PADI3: variants seen among roughly 807,000 people sequenced by gnomAD.
The protein encoded by PADI3 is peptidyl arginine deiminase 3, also known as protein-arginine deiminase type-3.
In PADI3, 53 loss-of-function variants were observed where a neutral mutation model predicts 71.5. The observed-to-expected ratio is 0.74, with a 90% CI of 0.59 to 0.93. PADI3 has a LOEUF of 0.93. Ranked by LOEUF, PADI3 falls within the 40% of genes least tolerant of loss-of-function variation. PADI3 has a pLI of 0.00. For missense variants in PADI3, 821 were observed against 868.0 expected, an observed-to-expected ratio of 0.95 and a Z score of 0.68; for synonymous variants, 361 against 347.5, an observed-to-expected ratio of 1.04 and a Z score of -0.43.
intron 11 of PADI3, among the ~76,000 whole-genome samples, chr1:17,275,271 TAA>T (rs35532821): frequency 8.3e-4 from 114 of 137,908 alleles, no homozygotes; most frequent in Admixed American, 1.2e-3. Flanking sequence ...CCGTCTCTAC[TAA>T]AAAAAAAAAA....
intron 13 of PADI3, among the ~76,000 whole-genome samples, chr1:17,277,141 C>A (rs1201849408): frequency 2.0e-5 from 3 of 151,226 alleles, no homozygotes; most frequent in Non-Finnish European, 4.4e-5. Context: ...GTGACCAGTG[C>A]AGTCACGGCG....
intron 15 of PADI3, among the ~76,000 whole-genome samples, chr1:17,282,080 C>T (rs988575881): frequency 6.6e-6 from 1 of 152,172 alleles, no homozygotes; most frequent in African/African-American, 2.4e-5. Flanking sequence ...TTTTGCCCTC[C>T]GCTTGCAAAG....
intron 13 of PADI3, chr1:17,277,825 G>A (rs1479930018): frequency 6.5e-6 from 1 of 154,578 alleles, no homozygotes; most frequent in African/African-American, 2.4e-5. Context: ...GGAGGGGTAA[G>A]TGTCTCACCC....
rs2073212517 is a variant in PADI3 at position 17,269,191 on chromosome 1, T to C, written c.653-1042T>C. Among the ~76,000 whole-genome samples, 4 of 152,230 alleles carry C rather than the reference T, an allele frequency of 2.6e-5. No individual in the cohort carries two copies. The South Asian group carries it at 8.3e-4, about 32-fold the overall frequency. ...TGAGACGCCGCACCTGGCCTGAATC[T>C]GATTGTCACTGTTAACGAGTTGGGA... On this transcript the variant is annotated intron_variant, in intron 6 of 15. Coordinates refer to ENST00000375460, the MANE Select transcript of PADI3 (RefSeq NM_016233.2).
Position 17,251,130 on chromosome 1 carries a change from C to A in PADI3, c.92+1901C>A, listed in dbSNP as rs113068636. ...GTCTAGTGTGTGTACCATTCAGAGC[C>A]TTGAAGGATGAGCACAGGCTCTGGG... is the stretch of plus-strand genomic sequence containing the variant. On this transcript the variant is annotated intron_variant, in intron 1 of 15. Coordinates refer to ENST00000375460, the MANE Select transcript of PADI3 (RefSeq NM_016233.2). Among the ~76,000 whole-genome samples, 310 of 152,284 alleles carry A rather than the reference C, an allele frequency of 2.0e-3. 3 individuals are homozygous for A. Among genetic ancestry groups the A allele is most frequent in the African/African-American group, 7.0e-3 (289 of 41,552 alleles).
At chr1:17,255,840 AG>A (rs1272461899) in intron 1 of PADI3, among the ~76,000 whole-genome samples, 1 of 152,096 alleles carries the variant, frequency 6.6e-6, no homozygotes, top group East Asian at 1.9e-4. Context: ...GCTGCGGCTG[AG>A]GGAGGCAGTC....
chr1:17,280,639 T>A, intron 14 of PADI3, 32 bp from the exon 15 acceptor site: 2 of 1,613,638 alleles, frequency 1.2e-6, no homozygotes, highest in Non-Finnish European at 1.7e-6. Flanking sequence ...ACTGGCAAGG[T>A]GTCCCCAACT....
intron 15 of PADI3, among the ~76,000 whole-genome samples, chr1:17,282,147 C>A (rs2073409964): frequency 6.6e-6 from 1 of 152,098 alleles, no homozygotes; most frequent in Non-Finnish European, 1.5e-5. Context: ...ATATATGTGC[C>A]CCAAGAAGTT....
chr1:17,249,940 A>G (rs2072944105), intron 1 of PADI3, among the ~76,000 whole-genome samples: 1 of 152,120 alleles, frequency 6.6e-6, no homozygotes, highest in Non-Finnish European at 1.5e-5. Flanking sequence ...GAAAATAAAG[A>G]TTTCCAACCT....
intron 13 of PADI3, chr1:17,277,802 G>C (rs2073354580): frequency 6.5e-6 from 1 of 154,528 alleles, no homozygotes; most frequent in Non-Finnish European, 1.5e-5. Context: ...AAGGGCATTT[G>C]GTGGGCAACT....
rs757859715 is a variant in PADI3 at position 17,249,158 on chromosome 1, G to A, written c.21G>A (p.Val7=). 3.1e-6 allele frequency: 5 copies of A among 1,614,160 alleles called. No individual in the cohort carries two copies. The highest frequency in any genetic ancestry group is 4.2e-6 in the Non-Finnish European group (5 of 1,180,010). The part of the protein sequence containing the change: MSLQRI[V]RVSLEHPTSA... ...CCAGCATGTCGCTGCAGAGAATCGT[G>A]CGTGTGTCCCTGGAGCATCCCACCA... Residue 7 remains valine (V), a synonymous_variant, in exon 1 of 16, where the codon GTG becomes GTA. Coordinates refer to ENST00000375460, the MANE Select transcript of PADI3 (RefSeq NM_016233.2).
Position 17,283,110 on chromosome 1 carries a change from G to C in PADI3, c.*31G>C. ...CTCCCACCCACCATCCTGTCCCCCT[G>C]GGGCGGGCATTGGCCCAGGTGGTGG... On this transcript the variant is annotated 3_prime_UTR_variant, in exon 16 of 16. Coordinates refer to ENST00000375460, the MANE Select transcript of PADI3 (RefSeq NM_016233.2). 1 of 1,579,678 alleles carries C rather than the reference G, an allele frequency of 6.3e-7. No individual in the cohort carries two copies. The highest frequency in any genetic ancestry group is 8.7e-7 in the Non-Finnish European group (1 of 1,150,642).
intron 1 of PADI3, 97 bp from the exon 2 acceptor site, chr1:17,259,481 A>G: frequency 8.4e-7 from 1 of 1,196,546 alleles, no homozygotes; most frequent in Middle Eastern, 2.0e-4. Context: ...GTGGCCAAGG[A>G]AAGCTTCCTG....
chr1:17,270,772 C>T, intron 7 of PADI3, 107 bp from the exon 8 acceptor site: 1 of 814,812 alleles, frequency 1.2e-6, no homozygotes. Flanking sequence ...TTCCATCTTG[C>T]AGAGAAGCAA....
chr1:17,263,845 G>A (rs2073131438), intron 3 of PADI3, among the ~76,000 whole-genome samples: 1 of 152,196 alleles, frequency 6.6e-6, no homozygotes, highest in Non-Finnish European at 1.5e-5. Context: ...GAAAGTCCCA[G>A]TGATCAAAAC....
chr1:17,265,530 C>T (rs1202406833), intron 3 of PADI3, 129 bp from the exon 4 acceptor site: 12 of 804,196 alleles, frequency 1.5e-5, no homozygotes, highest in Non-Finnish European at 2.5e-5. Flanking sequence ...TGCAGATGCC[C>T]TCACCTCTTG....
chr1:17,251,529 A>G (rs1042043735), intron 1 of PADI3, among the ~76,000 whole-genome samples: 1 of 152,234 alleles, frequency 6.6e-6, no homozygotes, highest in Non-Finnish European at 1.5e-5. Flanking sequence ...AGCGCTTTCC[A>G]TATGTTAACT....
chr1:17,254,039 TGGG>T (rs979085196), intron 1 of PADI3, among the ~76,000 whole-genome samples: 1 of 151,974 alleles, frequency 6.6e-6, no homozygotes, highest in Admixed American at 6.6e-5. Flanking sequence ...GCTGGGCCCT[TGGG>T]GGGATTGGTG....
intron 1 of PADI3, among the ~76,000 whole-genome samples, chr1:17,257,842 AT>A (rs141777058): frequency 0.021 from 3,238 of 152,266 alleles, 120 homozygotes; most frequent in African/African-American, 0.072. Context: ...AACAGGAGTA[AT>A]TATCTCATCC....
Sources: gnomAD v4.1 joint callset for allele counts (sites outside exome capture counted in the v4.1 genomes callset) on GRCh38, gnomAD v4.1.1 for gene constraint, MANE v1.5 for transcripts, NCBI Gene and HGNC (gene_info 2026-07-23, HGNC 2026-07-21) for gene names.